FRMPD4: variants seen among roughly 807,000 people sequenced by gnomAD.
FRMPD4 encodes the protein FERM and PDZ domain-containing protein 4.
A neutral mutation model predicts 94.1 loss-of-function variants in FRMPD4; 22 were observed. The ratio of observed to expected loss-of-function variants is 0.23; its 90% CI spans 0.17 to 0.33. The LOEUF (loss-of-function observed/expected upper bound fraction) is 0.33, where lower values mean the gene tolerates loss of function less well. Ranked by LOEUF, FRMPD4 falls within the 10% of genes least tolerant of loss-of-function variation. FRMPD4 has a pLI of 1.00. For synonymous variants in FRMPD4, 631 were observed against 548.6 expected (o/e 1.15, Z -2.10); for missense variants, 1,111 against 1,339.9 (o/e 0.83, Z 2.67).
At chrX:12,499,150 C>G (rs2057888956) in intron 2 of FRMPD4, among the ~76,000 whole-genome samples, 1 of 111,281 alleles carries the variant, frequency 9.0e-6, no homozygotes, top group Non-Finnish European at 1.9e-5. Context: ...CGAAGTTGGA[C>G]ATGCAAGAAT....
intron 14 of FRMPD4, 70 bp from the exon 15 acceptor site, chrX:12,715,999 C>CCGGG: frequency 1.5e-5 from 5 of 337,361 alleles, no homozygotes; most frequent in Non-Finnish European, 2.2e-5. Flanking sequence ...CAGAGACGAG[C>CCGGG]CTCCCACCCC....
At chrX:12,615,294 T>G (rs891076267) in intron 4 of FRMPD4, among the ~76,000 whole-genome samples, 1 of 112,501 alleles carries the variant, frequency 8.9e-6, no homozygotes, top group African/African-American at 3.2e-5. Flanking sequence ...AGTTCACTGA[T>G]ACTTCATATT....
At chrX:12,695,316 G>A (rs2060117119) in intron 9 of FRMPD4, among the ~76,000 whole-genome samples, 1 of 112,298 alleles carries the variant, frequency 8.9e-6, no homozygotes, top group African/African-American at 3.2e-5. Flanking sequence ...TTAAGGTGAT[G>A]TTCTCCGAAT....
chrX:12,148,526 AAGTAC>A (rs759131434), intron 1 of FRMPD4, among the ~76,000 whole-genome samples: 5,978 of 112,534 alleles, frequency 0.053, 159 homozygotes, highest in Non-Finnish European at 0.082. Flanking sequence ...CATAACATGA[AAGTAC>A]AAGGTAAAGC....
At chrX:12,185,090 A>G (rs991125666) in intron 1 of FRMPD4, among the ~76,000 whole-genome samples, 17 of 111,760 alleles carry the variant, frequency 1.5e-4, no homozygotes, top group African/African-American at 5.5e-4. Flanking sequence ...GCCTGTATCA[A>G]AACATCTCAT....
chrX:12,301,095 G>A (rs985096993), intron 1 of FRMPD4, among the ~76,000 whole-genome samples: 3 of 111,251 alleles, frequency 2.7e-5, no homozygotes, highest in African/African-American at 9.8e-5. Flanking sequence ...CACAGTCAAG[G>A]GGTGGGGAGC....
intron 1 of FRMPD4, among the ~76,000 whole-genome samples, chrX:12,265,342 G>A (rs745332045): frequency 2.9e-4 from 33 of 112,101 alleles, no homozygotes; most frequent in African/African-American, 9.7e-4. Flanking sequence ...TAAATTAATC[G>A]ACTTCTAAAA....
intron 4 of FRMPD4, among the ~76,000 whole-genome samples, chrX:12,648,877 C>T (rs1425047397): frequency 8.9e-6 from 1 of 112,350 alleles, no homozygotes; most frequent in Non-Finnish European, 1.9e-5. Context: ...GATGCTTACT[C>T]GCATTGGAGA....
intron 2 of FRMPD4, among the ~76,000 whole-genome samples, chrX:12,600,338 T>G (rs887886692): frequency 1.8e-5 from 2 of 112,129 alleles, no homozygotes; most frequent in Non-Finnish European, 3.8e-5. Context: ...CTTTTTATTA[T>G]ATTTAACAAG....
intron 1 of FRMPD4, among the ~76,000 whole-genome samples, chrX:12,297,821 A>G (rs183772224): frequency 1.8e-5 from 2 of 111,418 alleles, no homozygotes; most frequent in African/African-American, 6.5e-5. Flanking sequence ...CCTGGAGTCT[A>G]TTTCTTGGCA....
At chrX:12,600,922 A>G (rs1225476742) in intron 2 of FRMPD4, among the ~76,000 whole-genome samples, 10 of 112,140 alleles carry the variant, frequency 8.9e-5, no homozygotes, top group Non-Finnish European at 1.9e-4. Context: ...TAAAATTTAG[A>G]ATTCTCATTG....
chrX:12,642,245 G>A (rs1019435400), intron 4 of FRMPD4, among the ~76,000 whole-genome samples: 7 of 111,126 alleles, frequency 6.3e-5, no homozygotes, highest in East Asian at 2.8e-4. Flanking sequence ...TATAAATGGT[G>A]GTAAGAAAGG....
At chrX:11,962,563 C>T (rs1373423541) in intron 3 of FRMPD4, among the ~76,000 whole-genome samples, 1 of 112,018 alleles carries the variant, frequency 8.9e-6, no homozygotes, top group African/African-American at 3.2e-5. Flanking sequence ...TGAGGAGGGG[C>T]ACTGCTCAGC....
chrX:12,531,146 C>T (rs768553439), intron 2 of FRMPD4, among the ~76,000 whole-genome samples: 8 of 112,153 alleles, frequency 7.1e-5, no homozygotes, highest in African/African-American at 1.9e-4. Flanking sequence ...TCATTAGATT[C>T]AACAAATTTC....
chrX:11,927,366 T>C (rs984667621), intron 3 of FRMPD4, among the ~76,000 whole-genome samples: 4 of 111,881 alleles, frequency 3.6e-5, no homozygotes, highest in African/African-American at 9.7e-5. Context: ...TAAAGTACCA[T>C]TGAGAATCTT....
At chrX:12,220,317 A>G (rs2056851666) in intron 1 of FRMPD4, among the ~76,000 whole-genome samples, 1 of 112,434 alleles carries the variant, frequency 8.9e-6, no homozygotes. Context: ...AAAGAGAGCT[A>G]TAAAGTCATG....
chrX:12,230,850 A>G (rs1409749337), intron 1 of FRMPD4, among the ~76,000 whole-genome samples: 1 of 93,613 alleles, frequency 1.1e-5, no homozygotes, highest in East Asian at 3.1e-4. Context: ...ACAAAGCACT[A>G]TTAAAAATAC....
chrX:12,114,152 T>G (rs749533234), intron 3 of FRMPD4, among the ~76,000 whole-genome samples: 2 of 111,333 alleles, frequency 1.8e-5, no homozygotes, highest in East Asian at 2.8e-4. Context: ...CTATAGCCTA[T>G]TATATGCTAC....
chrX:12,006,802 A>G (rs1197128102), intron 3 of FRMPD4, among the ~76,000 whole-genome samples: 1 of 111,987 alleles, frequency 8.9e-6, no homozygotes, highest in Non-Finnish European at 1.9e-5. Context: ...AAATGTGACC[A>G]CCTGAAGTCC....
Sources: allele counts gnomAD v4.1 joint callset (sites outside exome capture counted in the v4.1 genomes callset), GRCh38; gene constraint gnomAD v4.1.1; transcripts MANE v1.5; gene names NCBI Gene and HGNC (gene_info 2026-07-23, HGNC 2026-07-21).